Variants in SNRPC observed in about 807,000 individuals in gnomAD.
SNRPC encodes small nuclear ribonucleoprotein polypeptide C, also known as U1 small nuclear ribonucleoprotein C.
In SNRPC, 5 loss-of-function variants were observed where a neutral mutation model predicts 20.0. The ratio of observed to expected loss-of-function variants is 0.25; its 90% CI spans 0.13 to 0.53. The LOEUF (loss-of-function observed/expected upper bound fraction) is 0.53, where lower values mean the gene tolerates loss of function less well. Among genes scored for constraint, SNRPC ranks in the 20% least tolerant of loss-of-function variants. The probability of loss-of-function intolerance (pLI) is 0.96; values close to 1 mark genes in which losing one functional copy is unlikely to be tolerated. For missense variants in SNRPC, 112 were observed against 224.1 expected (o/e 0.50, Z 3.19); for synonymous variants, 61 against 58.7 (o/e 1.04, Z -0.18).
chr6:34,766,080 A>G (rs948103522), intron 3 of SNRPC, among the ~76,000 whole-genome samples: 3 of 152,072 alleles, frequency 2.0e-5, no homozygotes, highest in African/African-American at 7.2e-5. Flanking sequence ...CCATGATGTA[A>G]TCTTGTCTCC....
chr6:34,773,632 C>G lies in SNRPC; in HGVS notation c.*62C>G. ...TACCTGTTCTGCTTCACCAGGAGAT[C>G]ATGCTGCTGTGATACTGAGTTTTCT... On this transcript the variant is annotated 3_prime_UTR_variant, in exon 6 of 6. Coordinates refer to ENST00000244520, the MANE Select transcript of SNRPC (RefSeq NM_003093.3). This position sits in a 1 kb window ranked among gnomAD's most constrained non-coding sequence, Gnocchi z 4.1. 1 of 1,481,604 alleles carries G rather than the reference C, an allele frequency of 6.7e-7. No individual in the cohort carries two copies. The highest frequency in any genetic ancestry group is 9.3e-7 in the Non-Finnish European group (1 of 1,070,904). 91.8% of individuals were successfully genotyped at this position (1,481,604 alleles called of 1,614,324 possible). A position where few individuals can be genotyped will look rare whatever the true frequency, so the allele number is the denominator to read the frequency against.
chr6:34,759,019 C>CAAAAAA (rs755576537), intron 2 of SNRPC, among the ~76,000 whole-genome samples: 12 of 24,578 alleles, frequency 4.9e-4, no homozygotes, highest in Non-Finnish European at 9.5e-4. Flanking sequence ...GACTCCGTCT[C>CAAAAAA]AAAAAAAAAA....
At chr6:34,765,853 C>T (rs1386960632) in intron 3 of SNRPC, among the ~76,000 whole-genome samples, 1 of 152,064 alleles carries the variant, frequency 6.6e-6, no homozygotes, top group Non-Finnish European at 1.5e-5. Context: ...ATCCTCCGGT[C>T]TTGGCCTCCT....
chr6:34,764,967 A>G (rs1025893855), intron 3 of SNRPC, among the ~76,000 whole-genome samples: 1 of 151,838 alleles, frequency 6.6e-6, no homozygotes, highest in Admixed American at 6.6e-5. Flanking sequence ...GTTGCAGTGA[A>G]CAGAGATCTC....
intron 4 of SNRPC, among the ~76,000 whole-genome samples, chr6:34,769,175 G>C (rs35141641): frequency 6.6e-5 from 10 of 150,986 alleles, no homozygotes; most frequent in Non-Finnish European, 1.2e-4. Context: ...TTTTGATAGC[G>C]GAATAGTCTA....
rs189710129 is a variant in SNRPC at position 34,763,780 on chromosome 6, G to T, written c.160+1077G>T. On this transcript the variant is annotated intron_variant, in intron 3 of 5. Transcript: ENST00000244520. ...TCGCCAGGCTGGAGTGCAGTGGTGTGATCTTGGCTCACTGCAAGCTCCACC... is the reference window on the plus strand; with the variant it reads ...TCGCCAGGCTGGAGTGCAGTGGTGTTATCTTGGCTCACTGCAAGCTCCACC... Among the ~76,000 whole-genome samples the T allele has an allele frequency of 7.3e-3, 1,105 of 150,460 alleles. 20 individuals are homozygous for T. The highest frequency in any genetic ancestry group is 0.026 in the African/African-American group (1,051 of 41,174).
chr6:34,759,019 CAAAAAAAAA>C (rs755576537), intron 2 of SNRPC, among the ~76,000 whole-genome samples: 5 of 24,648 alleles, frequency 2.0e-4, no homozygotes, highest in Middle Eastern at 0.038. Context: ...GACTCCGTCT[CAAAAAAAAA>C]AAAAAAAAAA....
chr6:34,769,500 C>T (rs1310242399), intron 4 of SNRPC, among the ~76,000 whole-genome samples: 1 of 152,046 alleles, frequency 6.6e-6, no homozygotes, highest in Non-Finnish European at 1.5e-5. Flanking sequence ...GCCTACCTCA[C>T]TATTTTCTTA....
At chr6:34,772,560 T>C (rs1209614495) in intron 5 of SNRPC, among the ~76,000 whole-genome samples, 1 of 152,250 alleles carries the variant, frequency 6.6e-6, no homozygotes, top group African/African-American at 2.4e-5. Flanking sequence ...AGTTTGAATA[T>C]GGTTTTCTCT....
intron 3 of SNRPC, among the ~76,000 whole-genome samples, chr6:34,765,140 T>C (rs1043005794): frequency 3.9e-5 from 6 of 152,210 alleles, no homozygotes; most frequent in Admixed American, 6.5e-5. Context: ...ACCTCGATAC[T>C]GTTGGCATTT....
intron 5 of SNRPC, among the ~76,000 whole-genome samples, chr6:34,771,349 A>AAAAAAG (rs1554122597): frequency 2.1e-5 from 3 of 140,880 alleles, no homozygotes; most frequent in Non-Finnish European, 1.5e-5. Context: ...AAAAAAAAAA[A>AAAAAAG]GTGTGTCTAA....
At chr6:34,760,193 G>A (rs1441330977) in intron 2 of SNRPC, among the ~76,000 whole-genome samples, 3 of 146,914 alleles carry the variant, frequency 2.0e-5, no homozygotes, top group Admixed American at 7.1e-5. Context: ...TTTCACTGCA[G>A]CCTCTGCGTC....
intron 3 of SNRPC, among the ~76,000 whole-genome samples, chr6:34,764,520 G>A (rs757270899): frequency 6.6e-6 from 1 of 151,704 alleles, no homozygotes; most frequent in African/African-American, 2.4e-5. Context: ...AAATTCAGAC[G>A]GGCATGGTGG....
chr6:34,769,209 C>A (rs1764654773), intron 4 of SNRPC, among the ~76,000 whole-genome samples: 1 of 150,994 alleles, frequency 6.6e-6, no homozygotes, highest in Non-Finnish European at 1.5e-5. Flanking sequence ...CCATAATTTA[C>A]CTCACTATTT....
chr6:34,764,287 C>T (rs975518253), intron 3 of SNRPC, among the ~76,000 whole-genome samples: 3 of 151,572 alleles, frequency 2.0e-5, no homozygotes, highest in African/African-American at 4.8e-5. Flanking sequence ...CGAAACCAGC[C>T]TCAACATGGA....
At position 34,767,892 on chromosome 6, in the gene SNRPC, T is replaced by TTTTCTTAC; in HGVS notation, c.161-16_161-15insTTTCTTAC. 4 of 1,472,704 alleles carry TTTTCTTAC rather than the reference T, an allele frequency of 2.7e-6. No homozygotes were observed. The highest frequency in any genetic ancestry group is 2.6e-5 in the South Asian group (2 of 75,742). The allele number at this position is 1,472,704 out of a possible 1,614,324, so 91.2% of individuals were successfully genotyped here. ...TTATTCATCTTTTTTTTTTTTTTTT[T>TTTTCTTAC]CCTCACCCTCCAAAGCGGCTGCATT... On this transcript the variant is annotated splice_polypyrimidine_tract_variant and intron_variant, in intron 3 of 5. Transcript: ENST00000244520.
At position 34,771,617 on chromosome 6, in the gene SNRPC, T is replaced by TAA. The variant is rs1554122605; in HGVS notation, c.355+1222_355+1223insAA. Among the ~76,000 whole-genome samples the TAA allele has an allele frequency of 8.1e-4, 123 of 152,046 alleles. 1 individual carries two copies. Among genetic ancestry groups the TAA allele is most frequent in the Non-Finnish European group, 9.3e-4 (63 of 67,992 alleles). On this transcript the variant is annotated intron_variant, in intron 5 of 5. Coordinates refer to ENST00000244520, the MANE Select transcript of SNRPC (RefSeq NM_003093.3). The stretch of plus-strand genomic sequence containing the variant: ...CTCATTTAATTGGTTTGCAGAAAAA[T>TAA]TATATATATATAATTGGAGTAATAA...
At chr6:34,758,568 G>T (rs1040816223) in intron 2 of SNRPC, among the ~76,000 whole-genome samples, 2 of 151,982 alleles carry the variant, frequency 1.3e-5, no homozygotes, top group Non-Finnish European at 2.9e-5. Flanking sequence ...GTCCTCCTCG[G>T]CCTCCCAAAG....
At chr6:34,772,135 A>G (rs1764699798) in intron 5 of SNRPC, among the ~76,000 whole-genome samples, 2 of 152,204 alleles carry the variant, frequency 1.3e-5, no homozygotes, top group South Asian at 4.1e-4. Flanking sequence ...GGTGGGGAGT[A>G]TAGATAAAGT....
Sources: allele counts gnomAD v4.1 joint callset (sites outside exome capture counted in the v4.1 genomes callset), GRCh38; gene constraint gnomAD v4.1.1; non-coding constraint Gnocchi (gnomAD v3.1); transcripts MANE v1.5; gene names NCBI Gene and HGNC (gene_info 2026-07-23, HGNC 2026-07-21).